The following CHCHD3 variants were observed in gnomAD, a reference collection of about 807,000 sequenced individuals.
The protein encoded by CHCHD3 is MICOS complex subunit MIC19.
CHCHD3 carries 20 observed loss-of-function variants against 38.2 expected under a neutral mutation model. The ratio of observed to expected loss-of-function variants is 0.52; its 90% confidence interval spans 0.37 to 0.76. The LOEUF (loss-of-function observed/expected upper bound fraction) is 0.76. Ranked by LOEUF, CHCHD3 falls within the 30% of genes least tolerant of loss-of-function variation. CHCHD3 has a pLI of 0.00. For missense variants in CHCHD3, 245 were observed against 279.2 expected (o/e 0.88, Z 0.87); for synonymous variants, 82 against 100.0 (o/e 0.82, Z 1.07).
intron 5 of CHCHD3, among the ~76,000 whole-genome samples, chr7:132,871,638 G>A (rs560189979): frequency 5.9e-5 from 9 of 152,212 alleles, no homozygotes; most frequent in African/African-American, 1.7e-4. Flanking sequence ...ATCACAGATC[G>A]TCCATGAAGG....
At chr7:133,081,160 A>G (rs1815160198) in intron 1 of CHCHD3, among the ~76,000 whole-genome samples, 1 of 152,218 alleles carries the variant, frequency 6.6e-6, no homozygotes, top group South Asian at 2.1e-4. Context: ...TACTGGTATG[A>G]AAAACTGCAA....
At chr7:132,795,352 C>T (rs114778775) in intron 7 of CHCHD3, among the ~76,000 whole-genome samples, 3,091 of 152,188 alleles carry the variant, frequency 0.02, 111 homozygotes, top group African/African-American at 0.07. Flanking sequence ...TTACCTGTAC[C>T]AAAGACCTTT....
intron 2 of CHCHD3, among the ~76,000 whole-genome samples, chr7:133,059,020 G>A (rs185937273): frequency 1.2e-4 from 18 of 152,290 alleles, no homozygotes; most frequent in African/African-American, 4.1e-4. Flanking sequence ...CTACCCAGAA[G>A]CCAAACCAAA....
In CHCHD3 at chr7:132,784,941, T is replaced by G. The variant is rs982582783; in HGVS notation, c.*696A>C. The G allele has an allele frequency of 2.0e-5, 3 of 152,676 alleles. No homozygotes were observed. Among genetic ancestry groups the G allele is most frequent in the African/African-American group, 7.2e-5 (3 of 41,458 alleles). 9.5% of individuals were successfully genotyped at this position (152,676 alleles called of 1,614,324 possible). A position where few individuals can be genotyped will look rare whatever the true frequency, so the allele number is the denominator to read the frequency against. ...GTGAGTATTCACTATAGAGGTTTTA[T>G]CAGCCAAGGTTGCCTTCATATTGAT... On this transcript the variant is annotated 3_prime_UTR_variant, in exon 8 of 8. Transcript: ENST00000262570.
chr7:132,997,659 T>TTAA (rs1812456401), intron 3 of CHCHD3, among the ~76,000 whole-genome samples: 1 of 81,742 alleles, frequency 1.2e-5, no homozygotes, highest in Non-Finnish European at 2.4e-5. Flanking sequence ...AACAGGGTTG[T>TTAA]AAAAAAAAAA....
chr7:133,032,684 T>C (rs1223685362), intron 2 of CHCHD3, among the ~76,000 whole-genome samples: 1 of 152,188 alleles, frequency 6.6e-6, no homozygotes, highest in East Asian at 1.9e-4. Flanking sequence ...TTCTACAGTT[T>C]AGACATCTTA....
At chr7:132,964,170 A>G (rs928334958) in intron 4 of CHCHD3, among the ~76,000 whole-genome samples, 22 of 152,252 alleles carry the variant, frequency 1.4e-4, no homozygotes. Flanking sequence ...TATTGCAGCA[A>G]GCCCACCTCT....
At chr7:132,929,512 G>A (rs933885102) in intron 4 of CHCHD3, among the ~76,000 whole-genome samples, 1 of 152,132 alleles carries the variant, frequency 6.6e-6, no homozygotes, top group Non-Finnish European at 1.5e-5. Context: ...TCATCTCTTT[G>A]AGAAGGATTC....
At chr7:132,787,764 G>C (rs1346876492) in intron 7 of CHCHD3, among the ~76,000 whole-genome samples, 2 of 152,120 alleles carry the variant, frequency 1.3e-5, no homozygotes, top group Non-Finnish European at 2.9e-5. Context: ...CATCATTATA[G>C]GTTTCTAAGA....
intron 5 of CHCHD3, among the ~76,000 whole-genome samples, chr7:132,874,278 T>C (rs1315119777): frequency 6.6e-6 from 1 of 152,142 alleles, no homozygotes; most frequent in African/African-American, 2.4e-5. Flanking sequence ...ACAAATTAAA[T>C]TGCAGAGCAT....
At chr7:132,985,229 G>A (rs1209611516) in intron 3 of CHCHD3, among the ~76,000 whole-genome samples, 4 of 83,270 alleles carry the variant, frequency 4.8e-5, no homozygotes, top group African/African-American at 1.4e-4. Context: ...CCGGCCAGCC[G>A]CCCCATCCGG....
chr7:132,965,059 A>ATGTGTGTG (rs5887603), intron 4 of CHCHD3, among the ~76,000 whole-genome samples: 2,369 of 148,516 alleles, frequency 0.016, 29 homozygotes, highest in South Asian at 0.077. Context: ...TATGGGTTTT[A>ATGTGTGTG]TGTGTGTGTG....
At chr7:132,986,424 G>GAAAAA (rs59151340) in intron 3 of CHCHD3, among the ~76,000 whole-genome samples, 2 of 131,280 alleles carry the variant, frequency 1.5e-5, no homozygotes, top group African/African-American at 2.8e-5. Context: ...AAAGAAAAAA[G>GAAAAA]AAAAAAAAAA....
chr7:132,849,614 C>T (rs1465907856), intron 5 of CHCHD3: 1 of 152,194 alleles, frequency 6.6e-6, no homozygotes, highest in African/African-American at 2.4e-5. Context: ...TCTCTCCTTC[C>T]TCCTTAGATA....
intron 2 of CHCHD3, 79 bp from the exon 3 acceptor site, chr7:133,024,706 C>A: frequency 9.4e-7 from 1 of 1,058,374 alleles, no homozygotes; most frequent in Admixed American, 1.7e-5. Context: ...CAGGAAAGCC[C>A]GGCTGAGACT....
At chr7:132,920,047 C>T (rs1475657601) in intron 4 of CHCHD3, among the ~76,000 whole-genome samples, 1 of 152,184 alleles carries the variant, frequency 6.6e-6, no homozygotes, top group Non-Finnish European at 1.5e-5. Context: ...TGGGAACGCA[C>T]ATCGTCATCA....
chr7:132,825,409 C>T (rs1195473233), intron 6 of CHCHD3, among the ~76,000 whole-genome samples: 1 of 152,160 alleles, frequency 6.6e-6, no homozygotes, highest in African/African-American at 2.4e-5. Flanking sequence ...AAAAACAGCC[C>T]CAAACCAACA....
rs1032646874 is a variant in CHCHD3, at chr7:132,940,634, C to T, written c.369+34535G>A. Among the ~76,000 whole-genome samples the T allele has an allele frequency of 4.6e-5, 7 of 152,312 alleles. No homozygotes were observed. In the South Asian group the frequency reaches 8.3e-4, roughly 18 times the overall value. ...TTTTATATTTTCTCTCTTCCTTCAA[C>T]GTCTGGCTTTCAGCAGTCATTTTTT... On this transcript the variant is annotated intron_variant, in intron 4 of 7. Coordinates refer to ENST00000262570, the MANE Select transcript of CHCHD3 (RefSeq NM_017812.4).
intron 6 of CHCHD3, among the ~76,000 whole-genome samples, chr7:132,834,424 A>C (rs1807725394): frequency 6.6e-6 from 1 of 152,204 alleles, no homozygotes. Context: ...ATTTCTTCAA[A>C]GTGTGTTAAA....
Sources: gnomAD v4.1 joint callset for allele counts (sites outside exome capture counted in the v4.1 genomes callset) on GRCh38, gnomAD v4.1.1 for gene constraint, MANE v1.5 for transcripts, NCBI Gene and HGNC (gene_info 2026-07-23, HGNC 2026-07-21) for gene names.